FANCB: variants seen among roughly 807,000 people sequenced by gnomAD.
The protein encoded by FANCB is Fanconi anemia group B protein.
Under a neutral mutation model 38.9 loss-of-function variants are expected in FANCB, and 5 were observed. The observed-to-expected ratio is 0.13, with a 90% CI of 0.07 to 0.27. The LOEUF (loss-of-function observed/expected upper bound fraction) is 0.27. FANCB is among the 10% of genes least tolerant of loss of function. The pLI, the probability that FANCB is intolerant of heterozygous loss-of-function variation, is 1.00. For synonymous variants in FANCB, 236 were observed against 215.4 expected (o/e 1.10, Z -0.84); for missense variants, 573 against 602.7 (o/e 0.95, Z 0.52).
Position 14,850,619 on chromosome X carries a change from T to C in FANCB, c.1382A>G (p.Asp461Gly). ...GEEENSVHIL[D>G]EKLSDNFQDS... ...TTGAAAATTGTCTGATAACTTTTCATCTAAGATATGGACAGAATTTTCTTC... is the reference window on the plus strand; with the variant it reads ...TTGAAAATTGTCTGATAACTTTTCACCTAAGATATGGACAGAATTTTCTTC... Residue 461 changes from aspartate to glycine, a missense_variant, in exon 7 of 10, where the codon GAT becomes GGT. By Grantham distance (94) the Asp-to-Gly change is moderately conservative. Transcript: ENST00000650831. 8.4e-7 allele frequency: 1 copy of C among 1,191,755 alleles called. No homozygotes were observed. Among genetic ancestry groups the C allele is most frequent in the Non-Finnish European group, 1.1e-6 (1 of 878,236 alleles).
chrX:14,811,104 A>G, the FANCB span, among the ~76,000 whole-genome samples: 1 of 111,074 alleles, frequency 9.0e-6, no homozygotes, highest in African/African-American at 3.3e-5. Flanking sequence ...TACTTTACAG[A>G]CAAGCAAATG....
chrX:14,716,070 G>A, the FANCB span, among the ~76,000 whole-genome samples: 3 of 111,293 alleles, frequency 2.7e-5, no homozygotes, highest in Non-Finnish European at 5.7e-5. Context: ...GCATACTCAC[G>A]AAGCTGACCC....
intron 7 of FANCB, among the ~76,000 whole-genome samples, chrX:14,847,966 T>C (rs2092383933): frequency 9.0e-6 from 1 of 111,666 alleles, no homozygotes; most frequent in South Asian, 3.7e-4. Context: ...ATGTAATAAT[T>C]AATAGAAAAA....
At chrX:14,858,753 G>C (rs1474242539) in intron 4 of FANCB, among the ~76,000 whole-genome samples, 1 of 111,448 alleles carries the variant, frequency 9.0e-6, no homozygotes, top group Non-Finnish European at 1.9e-5. Context: ...GAGAGATTTT[G>C]TATTGATCTG....
chrX:14,814,412 C>T, the FANCB span, among the ~76,000 whole-genome samples: 32 of 112,180 alleles, frequency 2.9e-4, no homozygotes, highest in African/African-American at 1.0e-3. Flanking sequence ...GAGAAAATTT[C>T]TGCAATCTAC....
chrX:14,821,362 A>C, the FANCB span, among the ~76,000 whole-genome samples: 6 of 111,760 alleles, frequency 5.4e-5, no homozygotes, highest in Non-Finnish European at 1.9e-5. Flanking sequence ...AGAGAGAGAA[A>C]AATCATATGA....
At chrX:14,689,936 C>T in the FANCB span, among the ~76,000 whole-genome samples, 1 of 112,237 alleles carries the variant, frequency 8.9e-6, no homozygotes, top group Admixed American at 9.4e-5. Context: ...TTACTAAACA[C>T]TTAAGCAAAC....
At chrX:14,822,954 T>C in the FANCB span, among the ~76,000 whole-genome samples, 4 of 111,538 alleles carry the variant, frequency 3.6e-5, no homozygotes, top group Non-Finnish European at 7.5e-5. Flanking sequence ...GTTAACTTTA[T>C]ACCTGATATA....
chrX:14,820,272 C>T, the FANCB span, among the ~76,000 whole-genome samples: 2 of 111,250 alleles, frequency 1.8e-5, no homozygotes, highest in Admixed American at 9.6e-5. Flanking sequence ...AGCCTTTTCC[C>T]TTCTTGTTCC....
the FANCB span, among the ~76,000 whole-genome samples, chrX:14,770,130 G>A: frequency 8.9e-6 from 1 of 112,367 alleles, no homozygotes; most frequent in Admixed American, 9.4e-5. Flanking sequence ...AATTTGGGTG[G>A]AAAGTTCTGT....
chrX:14,725,927 T>C, the FANCB span, among the ~76,000 whole-genome samples: 1 of 112,525 alleles, frequency 8.9e-6, no homozygotes, highest in South Asian at 3.6e-4. Flanking sequence ...GATGATTCAT[T>C]TTCTGTGAGA....
At chrX:14,717,809 G>A in the FANCB span, among the ~76,000 whole-genome samples, 18 of 108,235 alleles carry the variant, frequency 1.7e-4, no homozygotes, top group African/African-American at 6.0e-4. Context: ...GCACGCATTA[G>A]ATTACTCAGT....
At chrX:14,782,848 A>G in the FANCB span, among the ~76,000 whole-genome samples, 1 of 111,851 alleles carries the variant, frequency 8.9e-6, no homozygotes, top group Non-Finnish European at 1.9e-5. Flanking sequence ...GCAGATTCTT[A>G]TTCTAGCAGG....
At chrX:14,829,343 C>T in the FANCB span, among the ~76,000 whole-genome samples, 1 of 111,346 alleles carries the variant, frequency 9.0e-6, no homozygotes, top group Non-Finnish European at 1.9e-5. Context: ...TAATTCTTAA[C>T]AGTCCTAGGA....
chrX:14,703,061 C>T, the FANCB span, among the ~76,000 whole-genome samples: 1 of 111,511 alleles, frequency 9.0e-6, no homozygotes, highest in Non-Finnish European at 1.9e-5. Flanking sequence ...AGATGCTAGG[C>T]ATGGTTTCGT....
the FANCB span, chrX:14,730,200 C>A: frequency 8.4e-7 from 1 of 1,186,756 alleles, no homozygotes; most frequent in Non-Finnish European, 1.1e-6. Context: ...TGTCTTTATT[C>A]CGTCAGGAAG....
At chrX:14,757,374 A>T in the FANCB span, among the ~76,000 whole-genome samples, 1 of 112,014 alleles carries the variant, frequency 8.9e-6, no homozygotes, top group Non-Finnish European at 1.9e-5. Context: ...TGGACAGAGC[A>T]GTGTGTGGAG....
intron 1 of FANCB, among the ~76,000 whole-genome samples, chrX:14,871,649 T>C (rs1317103170): frequency 9.0e-6 from 1 of 110,893 alleles, no homozygotes; most frequent in Non-Finnish European, 1.9e-5. Context: ...TGTATATATA[T>C]ATATAATCAT....
the FANCB span, among the ~76,000 whole-genome samples, chrX:14,796,328 AG>A: frequency 3.7e-5 from 4 of 107,453 alleles, no homozygotes; most frequent in African/African-American, 1.4e-4. Context: ...TATTAGTCAG[AG>A]TTCTCCAGAA....
Sources: allele counts gnomAD v4.1 joint callset (sites outside exome capture counted in the v4.1 genomes callset), GRCh38; gene constraint gnomAD v4.1.1; transcripts MANE v1.5; gene names NCBI Gene and HGNC (gene_info 2026-07-23, HGNC 2026-07-21).